The following EPHB1 variants were observed in gnomAD, a reference collection of about 807,000 sequenced individuals.
EPHB1 encodes EPH receptor B1, also known as ephrin type-B receptor 1.
EPHB1 carries 30 observed loss-of-function variants against 94.4 expected under a neutral mutation model. That is an observed-to-expected ratio of 0.32 (90% CI 0.24 to 0.43). The LOEUF (loss-of-function observed/expected upper bound fraction) is 0.43. Among genes scored for constraint, EPHB1 ranks in the 20% least tolerant of loss-of-function variants. The pLI is 1.00. For missense variants in EPHB1, 1,055 were observed against 1,308.3 expected, an observed-to-expected ratio of 0.81 and a Z score of 2.99; for synonymous variants, 522 against 489.1, an observed-to-expected ratio of 1.07 and a Z score of -0.89.
intron 5 of EPHB1, among the ~76,000 whole-genome samples, chr3:135,141,972 C>T (rs980106179): frequency 1.3e-5 from 2 of 152,168 alleles, no homozygotes; most frequent in Non-Finnish European, 2.9e-5. Context: ...GTATAGTTTG[C>T]GAGTACAGAG....
chr3:135,043,402 A>G (rs139023787), intron 3 of EPHB1, among the ~76,000 whole-genome samples: 330 of 152,298 alleles, frequency 2.2e-3, no homozygotes, highest in Admixed American at 3.9e-3. Context: ...TGGGGTCTCC[A>G]TCATTCCCAA....
At chr3:134,867,902 A>G (rs1386667131) in intron 1 of EPHB1, among the ~76,000 whole-genome samples, 1 of 152,150 alleles carries the variant, frequency 6.6e-6, no homozygotes, top group South Asian at 2.1e-4. Context: ...TCAGTCTGTA[A>G]TGGAAAAGGA....
At position 135,183,214 on chromosome 3, in the gene EPHB1, TCCTC is replaced by T. The variant is rs1204320460; in HGVS notation, c.1882+3244_1882+3247del. On this transcript the variant is annotated intron_variant, in intron 10 of 15. Transcript: ENST00000398015. ...TCCCTTCCTTCCTCCCTCCCTCCCT[TCCTC>T]CCTCCCTCCCTTCCTCCCTCCCTCC... Among the ~76,000 whole-genome samples, 47 of 138,608 alleles carry T rather than the reference TCCTC, an allele frequency of 3.4e-4. No homozygotes were observed. In the South Asian group the frequency reaches 6.7e-3, roughly 20 times the overall value. The allele number at this position is 138,608 out of a possible 152,430, so 90.9% of individuals were successfully genotyped here. A position where few individuals can be genotyped will look rare whatever the true frequency, so the allele number is the denominator to read the frequency against.
chr3:134,912,289 C>CA (rs1185746718), intron 1 of EPHB1, among the ~76,000 whole-genome samples: 4 of 152,178 alleles, frequency 2.6e-5, no homozygotes, highest in Non-Finnish European at 2.9e-5. Flanking sequence ...ATTGGTCTGT[C>CA]AGAGTGGCTG....
chr3:135,243,074 C>CAAAAAAAAAAAA (rs397933477), intron 13 of EPHB1, among the ~76,000 whole-genome samples: 8 of 98,350 alleles, frequency 8.1e-5, no homozygotes, highest in African/African-American at 2.1e-4. Flanking sequence ...GACCCTGTCT[C>CAAAAAAAAAAAA]AAAAAAAAAA....
At chr3:135,207,591 A>C (rs1461810371) in intron 12 of EPHB1, among the ~76,000 whole-genome samples, 1 of 152,230 alleles carries the variant, frequency 6.6e-6, no homozygotes, top group Non-Finnish European at 1.5e-5. Flanking sequence ...AGCATGCATA[A>C]AACAATAAAT....
chr3:135,093,825 A>T (rs925871181), intron 3 of EPHB1, among the ~76,000 whole-genome samples: 2 of 152,224 alleles, frequency 1.3e-5, no homozygotes, highest in South Asian at 4.1e-4. Flanking sequence ...GCATAATCTC[A>T]TCACTATAAG....
At chr3:134,997,959 A>G (rs1447920068) in intron 3 of EPHB1, among the ~76,000 whole-genome samples, 2 of 152,118 alleles carry the variant, frequency 1.3e-5, no homozygotes, top group Non-Finnish European at 2.9e-5. Flanking sequence ...TTAATAGCTT[A>G]TTCTAGGACT....
chr3:134,819,086 A>T (rs1468935234), intron 1 of EPHB1, among the ~76,000 whole-genome samples: 2 of 152,216 alleles, frequency 1.3e-5, no homozygotes, highest in South Asian at 2.1e-4. Context: ...GGCAGGATAG[A>T]AAGGGGTCTA....
At chr3:135,219,442 C>T (rs887131658) in intron 12 of EPHB1, among the ~76,000 whole-genome samples, 11 of 151,648 alleles carry the variant, frequency 7.3e-5, no homozygotes, top group Non-Finnish European at 1.6e-4. Context: ...GAGAAGATGG[C>T]CATGTGATGG....
At chr3:135,119,419 A>G (rs996005764) in intron 4 of EPHB1, among the ~76,000 whole-genome samples, 1 of 150,584 alleles carries the variant, frequency 6.6e-6, no homozygotes, top group African/African-American at 2.4e-5. Context: ...GCATGAAAAC[A>G]CTCTCTTATA....
At chr3:135,156,511 C>T (rs1941360083) in intron 6 of EPHB1, among the ~76,000 whole-genome samples, 1 of 152,210 alleles carries the variant, frequency 6.6e-6, no homozygotes, top group Non-Finnish European at 1.5e-5. Flanking sequence ...CTCTAGGTCA[C>T]AGTTTTACAT....
At chr3:134,904,924 T>C (rs2038287628) in intron 1 of EPHB1, among the ~76,000 whole-genome samples, 1 of 152,150 alleles carries the variant, frequency 6.6e-6, no homozygotes, top group African/African-American at 2.4e-5. Flanking sequence ...CCAGGGGCCT[T>C]TTAGGGGAGC....
At chr3:135,165,887 A>T (rs1941639382) in intron 7 of EPHB1, 81 bp from the exon 8 acceptor site, 1 of 961,336 alleles carries the variant, frequency 1.0e-6, no homozygotes, top group African/African-American at 1.6e-5. Context: ...TATTTAGATC[A>T]TGTTTTTGGT....
chr3:135,036,736 A>T (rs748434178), intron 3 of EPHB1, among the ~76,000 whole-genome samples: 4 of 152,202 alleles, frequency 2.6e-5, no homozygotes, highest in Non-Finnish European at 5.9e-5. Context: ...TTTCTAGAAT[A>T]TCTAGCAGCT....
chr3:134,795,342 C>A lies in EPHB1; in HGVS notation c.-290C>A. The A allele has an allele frequency of 2.0e-6, 1 of 494,898 alleles. No individual in the cohort carries two copies. The allele number at this position is 494,898 out of a possible 1,614,324, so 30.7% of individuals were successfully genotyped here. A position where few individuals can be genotyped will look rare whatever the true frequency, so the allele number is the denominator to read the frequency against. ...GACGCACTCGCTCTCGCGCGCTCTC[C>A]CAGGCTCGTTCTCCCTCGCCCTCTC... is the stretch of plus-strand genomic sequence containing the variant. On this transcript the variant is annotated 5_prime_UTR_variant, in exon 1 of 16. Coordinates refer to ENST00000398015, the MANE Select transcript of EPHB1 (RefSeq NM_004441.5).
chr3:135,089,457 C>T (rs189636469), intron 3 of EPHB1, among the ~76,000 whole-genome samples: 115 of 152,332 alleles, frequency 7.5e-4, no homozygotes, highest in Middle Eastern at 3.4e-3. Flanking sequence ...GTTATTAATA[C>T]CAACACAACT....
In EPHB1 at chr3:134,882,765, C is replaced by CTTTCTTTCTTTCTTT. The variant is rs1553861895; in HGVS notation, c.59-43051_59-43050insTTTCTTTCTTTCTTT. Among the ~76,000 whole-genome samples the CTTTCTTTCTTTCTTT allele has an allele frequency of 2.2e-3, 179 of 79,914 alleles. 3 individuals are homozygous for CTTTCTTTCTTTCTTT. The highest frequency in any genetic ancestry group is 5.9e-3 in the South Asian group (12 of 2,020). The allele number at this position is 79,914 out of a possible 152,430, so 52.4% of individuals were successfully genotyped here. On this transcript the variant is annotated intron_variant, in intron 1 of 15. Transcript: ENST00000398015. ...TTCTTTCTTCCTTTCTTCCTTCCTT[C>CTTTCTTTCTTTCTTT]CTTTCTTTCTTTCTTTCTTTCTTTC...
chr3:134,795,273 C>G lies in EPHB1; in HGVS notation c.-359C>G. On this transcript the variant is annotated 5_prime_UTR_variant, in exon 1 of 16. Coordinates refer to ENST00000398015, the MANE Select transcript of EPHB1 (RefSeq NM_004441.5). ...CCCTCCCGCGTCAGTCTGGCCGGCTCCGTCCTCCCGTAGGCTCCGCTGTAG... is the reference window on the plus strand; with the variant it reads ...CCCTCCCGCGTCAGTCTGGCCGGCTGCGTCCTCCCGTAGGCTCCGCTGTAG... 2 of 387,160 alleles carry G rather than the reference C, an allele frequency of 5.2e-6. No homozygotes were observed. The highest frequency in any genetic ancestry group is 4.6e-6 in the Non-Finnish European group (1 of 215,382). 24.0% of individuals were successfully genotyped at this position (387,160 alleles called of 1,614,324 possible).
Sources: allele counts gnomAD v4.1 joint callset (sites outside exome capture counted in the v4.1 genomes callset), GRCh38; gene constraint gnomAD v4.1.1; transcripts MANE v1.5; gene names NCBI Gene and HGNC (gene_info 2026-07-23, HGNC 2026-07-21).